Variants in EPHA3 observed in about 807,000 individuals in gnomAD.
EPHA3 encodes ephrin type-A receptor 3.
Under a neutral mutation model 107.1 loss-of-function variants are expected in EPHA3, and 42 were observed. That is an observed-to-expected ratio of 0.39 (90% CI 0.31 to 0.51). The LOEUF (loss-of-function observed/expected upper bound fraction) is 0.51, where lower values mean the gene tolerates loss of function less well. Ranked by LOEUF, EPHA3 falls within the 20% of genes least tolerant of loss-of-function variation. EPHA3 has a pLI of 0.78. For missense variants in EPHA3, 1,183 were observed against 1,211.2 expected, an observed-to-expected ratio of 0.98 and a Z score of 0.35; for synonymous variants, 461 against 424.8, an observed-to-expected ratio of 1.09 and a Z score of -1.05.
chr3:89,195,957 T>C (rs1224625942), intron 2 of EPHA3, among the ~76,000 whole-genome samples: 5 of 152,140 alleles, frequency 3.3e-5, no homozygotes, highest in African/African-American at 9.7e-5. Flanking sequence ...AGAGTGATTC[T>C]AGGAAAAAGT....
intron 3 of EPHA3, 135 bp downstream of exon 3, chr3:89,210,655 T>C (rs1162548688): frequency 1.6e-5 from 14 of 873,236 alleles, no homozygotes; most frequent in Non-Finnish European, 2.4e-5. Flanking sequence ...AGTCTATTTA[T>C]GGACTAAAAT....
At chr3:89,159,384 T>G (rs1252105019) in intron 2 of EPHA3, among the ~76,000 whole-genome samples, 1 of 151,874 alleles carries the variant, frequency 6.6e-6, no homozygotes, top group Non-Finnish European at 1.5e-5. Context: ...TAGATACAAG[T>G]TAGGGAGGGT....
intron 3 of EPHA3, among the ~76,000 whole-genome samples, chr3:89,218,987 C>T (rs992694030): frequency 1.3e-5 from 2 of 152,120 alleles, no homozygotes; most frequent in African/African-American, 4.8e-5. Flanking sequence ...CTGAATCTAT[C>T]TTAAAAGGAG....
Position 89,409,358 on chromosome 3 carries a change from A to G in EPHA3, c.1762+1227A>G, listed in dbSNP as rs1040899438. 1.3e-4 allele frequency among the ~76,000 whole-genome samples: 20 copies of G among 152,132 alleles called. 1 individual carries two copies. Among genetic ancestry groups the G allele is most frequent in the Admixed American group, 1.3e-3 (20 of 15,248 alleles). On this transcript the variant is annotated intron_variant, in intron 9 of 16. Transcript: ENST00000336596. ...ACAATTTTTATGCATAAATTAGAGCAGTGGCATTCTTGTGGATTAAGTCAC... is the reference window on the plus strand; with the variant it reads ...ACAATTTTTATGCATAAATTAGAGCGGTGGCATTCTTGTGGATTAAGTCAC...
intron 1 of EPHA3, 91 bp downstream of exon 1, chr3:89,107,927 G>A: frequency 1.6e-6 from 2 of 1,286,606 alleles, no homozygotes; most frequent in Non-Finnish European, 1.1e-6. Context: ...ACGTCGGGAA[G>A]GTGCCTCCGA....
intron 11 of EPHA3, 52 bp from the exon 12 acceptor site, chr3:89,429,054 G>T (rs1576373156): frequency 8.0e-7 from 1 of 1,251,304 alleles, no homozygotes; most frequent in Non-Finnish European, 1.2e-6. Flanking sequence ...TATGTTCATT[G>T]TATAATACTT....
At chr3:89,231,044 T>C (rs1559611312) in intron 3 of EPHA3, among the ~76,000 whole-genome samples, 1 of 152,086 alleles carries the variant, frequency 6.6e-6, no homozygotes, top group African/African-American at 2.4e-5. Flanking sequence ...CAAAACTCAT[T>C]TGTTATACAT....
intron 2 of EPHA3, among the ~76,000 whole-genome samples, chr3:89,202,527 AAAAAAAAAT>A (rs1259335473): frequency 0.094 from 11,043 of 117,422 alleles, 361 homozygotes; most frequent in Non-Finnish European, 0.13. Flanking sequence ...AAAAAAAAAA[AAAAAAAAAT>A]ATATATATAT....
chr3:89,471,015 A>G, intron 15 of EPHA3, among the ~76,000 whole-genome samples: 1 of 152,132 alleles, frequency 6.6e-6, no homozygotes, highest in Non-Finnish European at 1.5e-5. Flanking sequence ...TATTTCTGTC[A>G]TTGTTATTAT....
chr3:89,445,502 T>C (rs1709861696), intron 13 of EPHA3, among the ~76,000 whole-genome samples: 1 of 152,182 alleles, frequency 6.6e-6, no homozygotes, highest in Non-Finnish European at 1.5e-5. Flanking sequence ...ACACCAAAAG[T>C]TGATCAATAG....
At position 89,471,445 on chromosome 3, in the gene EPHA3, C is replaced by T. The variant is rs535616957; in HGVS notation, c.2691-1019C>T. On this transcript the variant is annotated intron_variant, in intron 15 of 16. Transcript: ENST00000336596. ...GTGCAATGGCATGAACTCGGCTCAC[C>T]GCAACCTTCGCCTCCCAGGTTCAAG... 4.6e-5 allele frequency among the ~76,000 whole-genome samples: 7 copies of T among 152,216 alleles called. No homozygotes were observed. In the South Asian group the frequency reaches 6.2e-4, roughly 14 times the overall value.
In EPHA3 at chr3:89,112,909, A is replaced by AT. The variant is rs577078739; in HGVS notation, c.88+5079dup. On this transcript the variant is annotated intron_variant, in intron 1 of 16. Coordinates refer to ENST00000336596, the MANE Select transcript of EPHA3 (RefSeq NM_005233.6). Reference sequence around the variant, plus strand: ...ATTTTCTGTCAAGATCCTCAACTTTATTTTTTAGCCTGCACATTTTTTCTT... The same window carrying AT: ...ATTTTCTGTCAAGATCCTCAACTTTATTTTTTTAGCCTGCACATTTTTTCTT... Among the ~76,000 whole-genome samples, 927 of 152,086 alleles carry AT rather than the reference A, an allele frequency of 6.1e-3. 18 individuals are homozygous for AT. The highest frequency in any genetic ancestry group is 0.021 in the African/African-American group (866 of 41,494).
chr3:89,266,129 T>C (rs1705533832), intron 3 of EPHA3, among the ~76,000 whole-genome samples: 1 of 152,118 alleles, frequency 6.6e-6, no homozygotes, highest in Non-Finnish European at 1.5e-5. Flanking sequence ...CTAAACTCAT[T>C]GAATAATAAA....
At chr3:89,124,284 A>G (rs1183649184) in intron 1 of EPHA3, among the ~76,000 whole-genome samples, 2 of 152,156 alleles carry the variant, frequency 1.3e-5, no homozygotes, top group Non-Finnish European at 2.9e-5. Flanking sequence ...CATTGAGTCA[A>G]TGTATGCAGA....
At chr3:89,226,372 T>C (rs1364968953) in intron 3 of EPHA3, among the ~76,000 whole-genome samples, 1 of 152,094 alleles carries the variant, frequency 6.6e-6, no homozygotes. Flanking sequence ...AAGTGTTAGG[T>C]TTATCATAAG....
At chr3:89,220,335 A>T (rs1576241555) in intron 3 of EPHA3, among the ~76,000 whole-genome samples, 1 of 152,210 alleles carries the variant, frequency 6.6e-6, no homozygotes, top group Admixed American at 6.5e-5. Flanking sequence ...TTTTGAAGGC[A>T]TATAAAGTCT....
Position 89,268,519 on chromosome 3 carries a change from C to G in EPHA3, c.814+57999C>G, listed in dbSNP as rs1705588980. Among the ~76,000 whole-genome samples the G allele has an allele frequency of 3.3e-5, 5 of 151,900 alleles. No homozygotes were observed. In the South Asian group the frequency reaches 8.3e-4, roughly 25 times the overall value. On this transcript the variant is annotated intron_variant, in intron 3 of 16. Transcript: ENST00000336596. Reference sequence around the variant, plus strand: ...TTTCTTATTTCTTGATATGTGTGGTCTATCTGGTTTTCATGTTTCTGTTTT... The same window carrying G: ...TTTCTTATTTCTTGATATGTGTGGTGTATCTGGTTTTCATGTTTCTGTTTT...
chr3:89,448,664 C>T (rs938247636), intron 13 of EPHA3, among the ~76,000 whole-genome samples: 2 of 152,054 alleles, frequency 1.3e-5, no homozygotes, highest in Admixed American at 1.3e-4. Context: ...ATGAAGCACA[C>T]AGTAAATTAA....
At chr3:89,263,996 CA>C (rs1705480645) in intron 3 of EPHA3, among the ~76,000 whole-genome samples, 1 of 152,090 alleles carries the variant, frequency 6.6e-6, no homozygotes, top group South Asian at 2.1e-4. Context: ...CCTCTGGCCT[CA>C]AAAATCCACG....
Sources: gnomAD v4.1 joint callset for allele counts (sites outside exome capture counted in the v4.1 genomes callset) on GRCh38, gnomAD v4.1.1 for gene constraint, MANE v1.5 for transcripts, NCBI Gene and HGNC (gene_info 2026-07-23, HGNC 2026-07-21) for gene names.